CFAP57: variants seen among roughly 807,000 people sequenced by gnomAD.
CFAP57 encodes cilia- and flagella-associated protein 57.
In CFAP57, 116 loss-of-function variants were observed where a neutral mutation model predicts 146.8. That is an observed-to-expected ratio of 0.79 (90% confidence interval 0.68 to 0.92). The LOEUF (loss-of-function observed/expected upper bound fraction) is 0.92, where lower values mean the gene tolerates loss of function less well. CFAP57 is among the 40% of genes least tolerant of loss of function. The pLI, the probability that CFAP57 is intolerant of heterozygous loss-of-function variation, is 0.00. For missense variants in CFAP57, 1,377 were observed against 1,527.2 expected (o/e 0.90, Z 1.64); for synonymous variants, 518 against 552.8 (o/e 0.94, Z 0.88).
At chr1:43,239,650 CTG>C (rs986538974) in intron 21 of CFAP57, among the ~76,000 whole-genome samples, 27 of 152,192 alleles carry the variant, frequency 1.8e-4, no homozygotes, top group African/African-American at 6.5e-4. Flanking sequence ...AAGATGCAAA[CTG>C]TGAGAGAACT....
Position 43,254,187 on chromosome 1 carries a change from A to G in CFAP57, c.3749A>G (p.Asn1250Ser). The change falls in exon 23 of 23, where the codon AAC (asparagine) becomes AGC (serine). Residue 1250 changes from asparagine to serine, a missense_variant. Asn to Ser is a conservative substitution (Grantham distance 46). Coordinates refer to ENST00000372492, the MANE Select transcript of CFAP57 (RefSeq NM_001378189.1). ...GAGGTAGACTTAGAGGTGAAGACCA[A>G]CTGACCCCCTCTGGTGAGCCATCTC... is the stretch of plus-strand genomic sequence containing the variant. ...NSEVDLEVKT[N>S] 6.5e-7 allele frequency: 1 copy of G among 1,546,950 alleles called. No individual in the cohort carries two copies.
rs112767167 is a variant in CFAP57, at chr1:43,236,703, A to G, written c.3405+2065A>G. Among the ~76,000 whole-genome samples, 1,429 of 150,774 alleles carry G rather than the reference A, an allele frequency of 9.5e-3. 28 individuals are homozygous for G. The highest frequency in any genetic ancestry group is 0.032 in the African/African-American group (1,315 of 41,078). ...GGCGGGTGGATCGTGAGGTCAGGAG[A>G]TCGAGATCATCCTGGCTAACACGGT... On this transcript the variant is annotated intron_variant, in intron 21 of 22. Coordinates refer to ENST00000372492, the MANE Select transcript of CFAP57 (RefSeq NM_001378189.1).
intron 21 of CFAP57, among the ~76,000 whole-genome samples, chr1:43,239,225 T>A (rs926903968): frequency 6.9e-6 from 1 of 144,316 alleles, no homozygotes; most frequent in Non-Finnish European, 1.5e-5. Context: ...TTTTCTTACA[T>A]GAATACGTGA....
intron 11 of CFAP57, among the ~76,000 whole-genome samples, chr1:43,214,561 A>G (rs1276443558): frequency 2.0e-5 from 3 of 152,234 alleles, no homozygotes; most frequent in Admixed American, 6.5e-5. Context: ...GCTATTATAA[A>G]TAAAGCTGCT....
chr1:43,199,525 G>A lies in CFAP57; in HGVS notation c.1542+22G>A, dbSNP rs992302427. ...GAAGGTAAGTGAGTGAACAGTCTCTGGGGAAACAAGGGGCACGGAGCCAAG... is the reference window on the plus strand; with the variant it reads ...GAAGGTAAGTGAGTGAACAGTCTCTAGGGAAACAAGGGGCACGGAGCCAAG... On this transcript the variant is annotated intron_variant, in intron 9 of 22. Coordinates refer to ENST00000372492, the MANE Select transcript of CFAP57 (RefSeq NM_001378189.1). The A allele has an allele frequency of 3.1e-6, 5 of 1,609,966 alleles. No homozygotes were observed. The Admixed American group carries it at 6.7e-5, about 21-fold the overall frequency.
chr1:43,195,366 A>G (rs909446424), intron 6 of CFAP57, among the ~76,000 whole-genome samples: 1 of 152,116 alleles, frequency 6.6e-6, no homozygotes, highest in African/African-American at 2.4e-5. Context: ...TACTAAAAAT[A>G]CAAAAATTAG....
chr1:43,221,266 G>C (rs1253064353), intron 13 of CFAP57, 106 bp from the exon 14 acceptor site: 2 of 734,304 alleles, frequency 2.7e-6, no homozygotes, highest in Admixed American at 3.1e-5. Context: ...ATGAGGGCTT[G>C]AGAAATGTTT....
rs750436205 is a variant in CFAP57 at position 43,199,394 on chromosome 1, C to T, written c.1433C>T (p.Ser478Phe). The T allele has an allele frequency of 4.3e-6, 7 of 1,613,932 alleles. No homozygotes were observed. The highest frequency in any genetic ancestry group is 5.9e-6 in the Non-Finnish European group (7 of 1,179,974). Reference protein sequence around the residue: ...EYSVRGCGECSFSNGGHLFAA... With the variant: ...EYSVRGCGECFFSNGGHLFAA... Reference sequence around the variant, plus strand: ...TCTTGCTGTCTTTCCCTATAGTGTTCCTTTAGCAATGGAGGTCACCTGTTT... The same window carrying T: ...TCTTGCTGTCTTTCCCTATAGTGTTTCTTTAGCAATGGAGGTCACCTGTTT... Residue 478 changes from serine (S) to phenylalanine (F), a missense_variant, in exon 9 of 23, where the codon TCC (serine) becomes TTC (phenylalanine). Coordinates refer to ENST00000372492, the MANE Select transcript of CFAP57 (RefSeq NM_001378189.1).
chr1:43,219,369 C>A lies in CFAP57; in HGVS notation c.2092-13C>A. ...CTGTCAGTGTTCTTGATCCTTCTGTCCTTCTCCCAAAGGCTCAGGTTATGT... is the reference window on the plus strand; with the variant it reads ...CTGTCAGTGTTCTTGATCCTTCTGTACTTCTCCCAAAGGCTCAGGTTATGT... On this transcript the variant is annotated splice_polypyrimidine_tract_variant and intron_variant, in intron 12 of 22. Coordinates refer to ENST00000372492, the MANE Select transcript of CFAP57 (RefSeq NM_001378189.1). 6.5e-7 allele frequency: 1 copy of A among 1,546,892 alleles called. No individual in the cohort carries two copies. Among genetic ancestry groups the A allele is most frequent in the South Asian group, 1.2e-5 (1 of 83,564 alleles).
chr1:43,234,065 C>T (rs534072802), intron 19 of CFAP57, among the ~76,000 whole-genome samples: 1 of 152,248 alleles, frequency 6.6e-6, no homozygotes, highest in East Asian at 1.9e-4. Flanking sequence ...GCTGGGTGTC[C>T]AGCCGAGGGC....
At chr1:43,225,395 T>C (rs1645208531) in intron 17 of CFAP57, among the ~76,000 whole-genome samples, 1 of 152,240 alleles carries the variant, frequency 6.6e-6, no homozygotes, top group Admixed American at 6.5e-5. Context: ...ACCGCTGCTG[T>C]AGTGTGAAAC....
chr1:43,179,802 T>A lies in CFAP57; in HGVS notation c.158-1732T>A, dbSNP rs575966085. On this transcript the variant is annotated intron_variant, in intron 2 of 22. Coordinates refer to ENST00000372492, the MANE Select transcript of CFAP57 (RefSeq NM_001378189.1). Reference sequence around the variant, plus strand: ...TATATCTGAGATTGAGTTTATCTTTTCCTTTCTTCTCCCTCTCTTTGGGAA... The same window carrying A: ...TATATCTGAGATTGAGTTTATCTTTACCTTTCTTCTCCCTCTCTTTGGGAA... Among the ~76,000 whole-genome samples, 8 of 152,306 alleles carry A rather than the reference T, an allele frequency of 5.3e-5. No homozygotes were observed. The South Asian group carries it at 1.7e-3, about 32-fold the overall frequency.
rs570966936 is a variant in CFAP57, at chr1:43,193,961, T to TA, written c.1123-3592_1123-3591insA. Among the ~76,000 whole-genome samples, 26 of 152,226 alleles carry TA rather than the reference T, an allele frequency of 1.7e-4. No individual in the cohort carries two copies. The South Asian group carries it at 5.4e-3, about 32-fold the overall frequency. On this transcript the variant is annotated intron_variant, in intron 6 of 22. Coordinates refer to ENST00000372492, the MANE Select transcript of CFAP57 (RefSeq NM_001378189.1). ...TATATGTTATAGCAACAACAGTATATTATATGCATATTGTTTCCTACAATT... is the reference window on the plus strand; with the variant it reads ...TATATGTTATAGCAACAACAGTATATATATATGCATATTGTTTCCTACAATT...
chr1:43,212,926 ACT>A (rs1165094535), intron 11 of CFAP57, among the ~76,000 whole-genome samples: 2 of 97,028 alleles, frequency 2.1e-5, no homozygotes, highest in Non-Finnish European at 2.1e-5. Context: ...AACATAGCAG[ACT>A]CTATCTCAAA....
intron 9 of CFAP57, 77 bp downstream of exon 9, chr1:43,199,580 A>G: frequency 3.9e-6 from 5 of 1,291,442 alleles, no homozygotes; most frequent in South Asian, 3.6e-5. Flanking sequence ...ATACAGGTGA[A>G]CAAAAGAGAG....
In CFAP57 at chr1:43,229,192, C is replaced by T. The variant is rs559347579; in HGVS notation, c.3009+2066C>T. On this transcript the variant is annotated intron_variant, in intron 18 of 22. Coordinates refer to ENST00000372492, the MANE Select transcript of CFAP57 (RefSeq NM_001378189.1). ...CCCCTTTCTCCTTCCTCATTTGACA[C>T]ATTTGTCAGCTGCATTTCAGGTCGG... Among the ~76,000 whole-genome samples, 15 of 149,248 alleles carry T rather than the reference C, an allele frequency of 1.0e-4. 3 individuals are homozygous for T. In the East Asian group the frequency reaches 2.7e-3, roughly 27 times the overall value.
chr1:43,187,350 A>G (rs1416521362), intron 6 of CFAP57, among the ~76,000 whole-genome samples: 1 of 152,194 alleles, frequency 6.6e-6, no homozygotes, highest in East Asian at 1.9e-4. Context: ...TTAAGTTTGC[A>G]TGTACCTAAT....
chr1:43,200,367 G>C (rs1013191771), intron 9 of CFAP57, among the ~76,000 whole-genome samples: 1 of 151,670 alleles, frequency 6.6e-6, no homozygotes. Flanking sequence ...CACACCTGTG[G>C]TCCCAGTTAC....
chr1:43,217,054 C>A (rs1455734450), intron 12 of CFAP57, among the ~76,000 whole-genome samples: 1 of 152,208 alleles, frequency 6.6e-6, no homozygotes, highest in Non-Finnish European at 1.5e-5. Context: ...ATGAGCCTTG[C>A]TCAGATCCTT....
Sources: allele counts gnomAD v4.1 joint callset (sites outside exome capture counted in the v4.1 genomes callset), GRCh38; gene constraint gnomAD v4.1.1; transcripts MANE v1.5; gene names NCBI Gene and HGNC (gene_info 2026-07-23, HGNC 2026-07-21).